BANK1: variants seen among roughly 807,000 people sequenced by gnomAD.
BANK1 encodes the protein B cell scaffold protein with ankyrin repeats 1, also known as B-cell scaffold protein with ankyrin repeats.
BANK1 carries 95 observed loss-of-function variants against 94.5 expected under a neutral mutation model. That is an observed-to-expected ratio of 1.00 (90% CI 0.85 to 1.19). The LOEUF is 1.19. BANK1 is among the 50% of genes most tolerant of loss of function. The pLI is 0.00. For missense variants in BANK1, 987 were observed against 932.2 expected (o/e 1.06, Z -0.77); for synonymous variants, 334 against 308.4 (o/e 1.08, Z -0.87).
In BANK1 at chr4:101,918,014, C is replaced by T; in HGVS notation, c.1031C>T (p.Pro344Leu). 6.2e-7 allele frequency: 1 copy of T among 1,606,876 alleles called. No homozygotes were observed. The highest frequency in any genetic ancestry group is 8.5e-7 in the Non-Finnish European group (1 of 1,175,146). ...QNKYTHFKELPTLLHCAAKFG... is the reference protein window; with the variant it reads ...QNKYTHFKELLTLLHCAAKFG... ...ACAGATACTCATTTCAAAGAACTTC[C>T]AACTCTTCTCCACTGTGCAGCAAAA... The change falls in exon 7 of 17, where the codon CCA (proline) becomes CTA (leucine). Residue 344 changes from proline (P) to leucine (L), a missense_variant. Physicochemically the swap from Pro to Leu is moderately conservative, Grantham distance 98. Coordinates refer to ENST00000322953, the MANE Select transcript of BANK1 (RefSeq NM_017935.5).
chr4:101,835,835 TA>T (rs1726802875), intron 2 of BANK1, among the ~76,000 whole-genome samples: 1 of 152,216 alleles, frequency 6.6e-6, no homozygotes, highest in African/African-American at 2.4e-5. Flanking sequence ...TCACCAGCAT[TA>T]GTGTAGACAT....
chr4:101,989,566 T>A (rs1177197063), intron 7 of BANK1, among the ~76,000 whole-genome samples: 3 of 152,090 alleles, frequency 2.0e-5, no homozygotes, highest in Non-Finnish European at 4.4e-5. Flanking sequence ...ATATACTTTT[T>A]GGGGGCCAAG....
intron 7 of BANK1, among the ~76,000 whole-genome samples, chr4:101,921,691 G>C (rs572305897): frequency 4.2e-4 from 64 of 152,000 alleles, no homozygotes; most frequent in Non-Finnish European, 8.0e-4. Context: ...ATTGGAGACA[G>C]GTGTTCACTT....
intron 2 of BANK1, among the ~76,000 whole-genome samples, chr4:101,854,010 C>T (rs1029560034): frequency 6.6e-6 from 1 of 152,086 alleles, no homozygotes; most frequent in Non-Finnish European, 1.5e-5. Flanking sequence ...TGTCTAATTT[C>T]GATGTTGTTG....
chr4:101,983,685 A>G (rs895576604), intron 7 of BANK1, among the ~76,000 whole-genome samples: 1 of 152,088 alleles, frequency 6.6e-6, no homozygotes, highest in African/African-American at 2.4e-5. Flanking sequence ...CTGATTAAAG[A>G]CTTCCTATCA....
chr4:102,071,424 T>C, intron 14 of BANK1, 120 bp downstream of exon 14: 1 of 972,148 alleles, frequency 1.0e-6, no homozygotes, highest in Non-Finnish European at 1.6e-6. Flanking sequence ...TCACATAGAT[T>C]TTATATTTAT....
At chr4:101,923,860 C>G (rs1318326019) in intron 7 of BANK1, among the ~76,000 whole-genome samples, 2 of 151,574 alleles carry the variant, frequency 1.3e-5, no homozygotes, top group African/African-American at 4.8e-5. Flanking sequence ...CTACAAAAGA[C>G]TATGCATCTA....
intron 2 of BANK1, among the ~76,000 whole-genome samples, chr4:101,850,602 C>G (rs1188996519): frequency 6.6e-6 from 1 of 151,990 alleles, no homozygotes; most frequent in Non-Finnish European, 1.5e-5. Context: ...CTTTTTTGTG[C>G]TACACAGACA....
intron 10 of BANK1, among the ~76,000 whole-genome samples, chr4:102,040,680 T>C (rs1408435595): frequency 1.3e-5 from 2 of 152,062 alleles, no homozygotes; most frequent in African/African-American, 4.8e-5. Flanking sequence ...TTTATGTTAG[T>C]CTAAGCCCCC....
intron 1 of BANK1, among the ~76,000 whole-genome samples, chr4:101,798,710 A>AATG (rs1304175985): frequency 2.0e-5 from 3 of 152,338 alleles, no homozygotes; most frequent in Admixed American, 2.0e-4. Flanking sequence ...TCTGATGGCC[A>AATG]ATGATGATGA....
chr4:102,062,793 A>T lies in BANK1; in HGVS notation c.2149-282A>T, dbSNP rs1728460601. The T allele has an allele frequency of 9.6e-6, 3 of 311,942 alleles. No homozygotes were observed. In the Admixed American group the frequency reaches 1.3e-4, roughly 13 times the overall value. The allele number at this position is 311,942 out of a possible 1,614,324, so 19.3% of individuals were successfully genotyped here. On this transcript the variant is annotated intron_variant, in intron 12 of 16. Transcript: ENST00000322953. The stretch of plus-strand genomic sequence containing the variant: ...AATTGCACTCTAGGATCCAATCTTG[A>T]CTCTACCACTTATAACTATGAATTG...
chr4:101,875,854 T>C (rs2148883276), intron 5 of BANK1, among the ~76,000 whole-genome samples: 1 of 152,294 alleles, frequency 6.6e-6, no homozygotes, highest in East Asian at 1.9e-4. Flanking sequence ...CCTAGGCAAC[T>C]CCTAGTGCTC....
intron 6 of BANK1, among the ~76,000 whole-genome samples, chr4:101,904,594 T>C (rs906956769): frequency 1.3e-5 from 2 of 152,194 alleles, no homozygotes; most frequent in Admixed American, 1.3e-4. Context: ...TTGCAAATTT[T>C]TTTCTAGACC....
At chr4:101,804,022 A>G (rs1424695547) in intron 1 of BANK1, among the ~76,000 whole-genome samples, 2 of 137,798 alleles carry the variant, frequency 1.5e-5, no homozygotes, top group African/African-American at 2.6e-5. Flanking sequence ...AAAAAAAAAA[A>G]AAAGAAATAT....
chr4:101,913,502 G>A lies in BANK1; in HGVS notation c.1010-4491G>A, dbSNP rs143658118. ...CTAGAATTACCTCCACACATGGACC[G>A]CAAGCTCCCAGGCTGTTTGTCTGTG... is the stretch of plus-strand genomic sequence containing the variant. On this transcript the variant is annotated intron_variant, in intron 6 of 16. Transcript: ENST00000322953. Among the ~76,000 whole-genome samples, 74 of 152,190 alleles carry A rather than the reference G, an allele frequency of 4.9e-4. 1 individual carries two copies. In the East Asian group the frequency reaches 7.0e-3, roughly 14 times the overall value.
intron 7 of BANK1, among the ~76,000 whole-genome samples, chr4:101,985,375 T>C (rs1190460435): frequency 6.6e-6 from 1 of 152,136 alleles, no homozygotes; most frequent in Non-Finnish European, 1.5e-5. Context: ...CACAGATCCA[T>C]CCAGAAATAA....
intron 7 of BANK1, among the ~76,000 whole-genome samples, chr4:101,998,817 GTAAA>G (rs1179193999): frequency 1.3e-5 from 2 of 152,010 alleles, no homozygotes; most frequent in Admixed American, 1.3e-4. Flanking sequence ...TTTCACAATG[GTAAA>G]TAAATATTTT....
chr4:102,022,445 C>G (rs1726946168), intron 8 of BANK1, among the ~76,000 whole-genome samples: 1 of 152,124 alleles, frequency 6.6e-6, no homozygotes, highest in South Asian at 2.1e-4. Context: ...CATTTCTCTC[C>G]CCTTTCATTA....
At chr4:102,066,636 A>G (rs1728603792) in intron 13 of BANK1, among the ~76,000 whole-genome samples, 1 of 152,194 alleles carries the variant, frequency 6.6e-6, no homozygotes, top group Non-Finnish European at 1.5e-5. Context: ...TAAAATAAAG[A>G]CATTTAAGAT....
Sources: allele counts gnomAD v4.1 joint callset (sites outside exome capture counted in the v4.1 genomes callset), GRCh38; gene constraint gnomAD v4.1.1; transcripts MANE v1.5; gene names NCBI Gene and HGNC (gene_info 2026-07-23, HGNC 2026-07-21).